Variants in GTF3C2 observed in about 807,000 individuals in gnomAD.
GTF3C2 encodes the protein general transcription factor IIIC subunit 2.
In GTF3C2, 17 loss-of-function variants were observed where a neutral mutation model predicts 117.4. The ratio of observed to expected loss-of-function variants is 0.14; its 90% CI spans 0.10 to 0.22. The LOEUF (loss-of-function observed/expected upper bound fraction) is 0.22. Ranked by LOEUF, GTF3C2 falls within the 10% of genes least tolerant of loss-of-function variation. The probability of loss-of-function intolerance (pLI) is 1.00; values close to 1 mark genes in which losing one functional copy is unlikely to be tolerated. For missense variants in GTF3C2, 888 were observed against 1,143.6 expected, an observed-to-expected ratio of 0.78 and a Z score of 3.22; for synonymous variants, 437 against 427.0, an observed-to-expected ratio of 1.02 and a Z score of -0.29.
At chr2:27,350,195 C>G (rs541898020) in intron 1 of GTF3C2, 1 of 152,876 alleles carries the variant, frequency 6.5e-6, no homozygotes, top group South Asian at 2.1e-4. Flanking sequence ...AAGGAATTCA[C>G]TACACGGTAT....
chr2:27,328,515 T>C, exon 16 of GTF3C2: 1 of 1,612,558 alleles, frequency 6.2e-7, no homozygotes, highest in South Asian at 1.1e-5. Flanking sequence ...TTCAGTGCCA[T>C]ATCTGGTAAT....
intron 1 of GTF3C2, among the ~76,000 whole-genome samples, chr2:27,348,900 G>C (rs1681014529): frequency 6.6e-6 from 1 of 152,100 alleles, no homozygotes; most frequent in Admixed American, 6.6e-5. Context: ...GCAGTGGCCT[G>C]ATCTCAGCTC....
intron 4 of GTF3C2, chr2:27,338,403 T>C (rs918058798): frequency 4.0e-6 from 1 of 250,860 alleles, no homozygotes; most frequent in Non-Finnish European, 7.8e-6. Flanking sequence ...ATGATGGTAT[T>C]CCCCAGAGTT....
At chr2:27,356,301 G>A (rs182308771) in intron 1 of GTF3C2, 1 of 376,418 alleles carries the variant, frequency 2.7e-6, no homozygotes, top group African/African-American at 2.1e-5. Flanking sequence ...ACAGCTGAAA[G>A]AGATTGACCC....
At position 27,334,061 on chromosome 2, in the gene GTF3C2, T is replaced by G; in HGVS notation, c.1577-62A>C. 4 of 1,283,046 alleles carry G rather than the reference T, an allele frequency of 3.1e-6. 1 individual carries two copies. In the South Asian group the frequency reaches 4.8e-5, roughly 15 times the overall value. 79.5% of individuals were successfully genotyped at this position (1,283,046 alleles called of 1,614,324 possible). ...CCCAAGGACTCAGCAGGTCTTACTC[T>G]GTCACCCAGGCCCGAGTGCAGTGGC... On this transcript the variant is annotated intron_variant, in intron 10 of 18. Transcript: ENST00000264720.
At chr2:27,341,034 T>A (rs1413680840) in intron 4 of GTF3C2, among the ~76,000 whole-genome samples, 4 of 151,978 alleles carry the variant, frequency 2.6e-5, no homozygotes, top group African/African-American at 9.7e-5. Flanking sequence ...GTGTGTTTTG[T>A]TTTGTTTTGT....
At chr2:27,339,941 C>G (rs182940925) in intron 4 of GTF3C2, 7 of 140,886 alleles carry the variant, frequency 5.0e-5, no homozygotes, top group African/African-American at 1.9e-4. Flanking sequence ...GAGATGAGAT[C>G]ACTCCACTGC....
chr2:27,350,374 C>A, intron 1 of GTF3C2: 1 of 976,956 alleles, frequency 1.0e-6, no homozygotes, highest in South Asian at 4.7e-5. Flanking sequence ...TCAGGGGATT[C>A]TGACGCACAC....
At chr2:27,328,336 T>C (rs925074508) in intron 16 of GTF3C2, 132 bp downstream of exon 16, 8 of 1,057,794 alleles carry the variant, frequency 7.6e-6, no homozygotes, top group African/African-American at 1.6e-5. Context: ...GGGAAGATTA[T>C]ATACAACTCT....
intron 15 of GTF3C2, 107 bp from the exon 16 acceptor site, chr2:27,328,703 C>T: frequency 9.0e-7 from 1 of 1,116,412 alleles, no homozygotes; most frequent in South Asian, 1.4e-5. Flanking sequence ...AATGAGTTTA[C>T]CATAACCGAC....
chr2:27,348,303 G>C (rs1316251895), intron 1 of GTF3C2, among the ~76,000 whole-genome samples: 1 of 151,678 alleles, frequency 6.6e-6, no homozygotes, highest in Non-Finnish European at 1.5e-5. Context: ...GGGCATGGTG[G>C]GCAGCAGGGA....
intron 17 of GTF3C2, 80 bp downstream of exon 17, chr2:27,327,957 A>G (rs1680143377): frequency 1.7e-6 from 2 of 1,198,290 alleles, no homozygotes; most frequent in Non-Finnish European, 2.4e-6. Context: ...TTTGTGCTGA[A>G]CTCAGGCTTG....
At position 27,329,407 on chromosome 2, in the gene GTF3C2, G is replaced by A. The variant is rs1333579556; in HGVS notation, c.1849C>T (p.Arg617Cys). The change falls in exon 13 of 19, where the codon CGT becomes TGT. Residue 617 changes from arginine (R) to cysteine (C), a missense_variant. By Grantham distance (180) the Arg-to-Cys change is radical. Transcript: ENST00000264720. The surrounding 1 kb of genome is among the most constrained non-coding windows in gnomAD (Gnocchi z 4.5). ...TTAGCTTTGCACCATTGAAGGGTAC[G>A]CACAGCCTGGTCATGGGCTAGGAAA... is the stretch of plus-strand genomic sequence containing the variant. 1 of 1,613,948 alleles carries A rather than the reference G, an allele frequency of 6.2e-7. No individual in the cohort carries two copies. Among genetic ancestry groups the A allele is most frequent in the Non-Finnish European group, 8.5e-7 (1 of 1,179,976 alleles).
exon 3 of GTF3C2, chr2:27,343,030 G>C: frequency 6.2e-7 from 1 of 1,614,078 alleles, no homozygotes; most frequent in Non-Finnish European, 8.5e-7. Flanking sequence ...AACCAGTGGG[G>C]CTGATGGAGG....
intron 1 of GTF3C2, among the ~76,000 whole-genome samples, chr2:27,345,717 T>TC (rs1419915364): frequency 1.4e-5 from 2 of 145,354 alleles, no homozygotes; most frequent in Non-Finnish European, 3.0e-5. Context: ...AGCTTTTCCT[T>TC]TTTTTTTTTT....
Position 27,327,290 on chromosome 2 carries a change from G to A in GTF3C2, c.2410-6C>T. On this transcript the variant is annotated splice_polypyrimidine_tract_variant and splice_region_variant and intron_variant, in intron 17 of 18. Transcript: ENST00000264720. ...AGCAGATCATGGAATGAACCCTGGG[G>A]AAGGGAAATGGAATAGGAGAGAGAA... 1 of 1,460,886 alleles carries A rather than the reference G, an allele frequency of 6.8e-7. No individual in the cohort carries two copies. 90.5% of individuals were successfully genotyped at this position (1,460,886 alleles called of 1,614,324 possible). A position where few individuals can be genotyped will look rare whatever the true frequency, so the allele number is the denominator to read the frequency against.
exon 19 of GTF3C2, chr2:27,326,129 G>A: frequency 2.2e-6 from 1 of 452,798 alleles, no homozygotes; most frequent in Non-Finnish European, 4.6e-6. Flanking sequence ...TCGGTAGGGT[G>A]TCTGTGGTAT....
intron 1 of GTF3C2, among the ~76,000 whole-genome samples, chr2:27,347,605 A>G (rs1680963380): frequency 1.3e-5 from 2 of 152,222 alleles, no homozygotes; most frequent in African/African-American, 4.8e-5. Context: ...GATGAAGAGT[A>G]CCCTTTTGAA....
chr2:27,346,014 C>T (rs1354969667), intron 1 of GTF3C2, among the ~76,000 whole-genome samples: 2 of 139,234 alleles, frequency 1.4e-5, no homozygotes, highest in Non-Finnish European at 3.1e-5. Context: ...TGTGCCCCGC[C>T]ACTTTTTTTT....
Sources: allele counts gnomAD v4.1 joint callset (sites outside exome capture counted in the v4.1 genomes callset), GRCh38; gene constraint gnomAD v4.1.1; non-coding constraint Gnocchi (gnomAD v3.1); transcripts MANE v1.5; gene names NCBI Gene and HGNC (gene_info 2026-07-23, HGNC 2026-07-21).